Variants in DNAH11 observed in about 807,000 individuals in gnomAD.
The protein encoded by DNAH11 is axonemal beta dynein heavy chain 11.
A neutral mutation model predicts 526.0 loss-of-function variants in DNAH11; 442 were observed. The ratio of observed to expected loss-of-function variants is 0.84; its 90% CI spans 0.78 to 0.91. The LOEUF is 0.91. Among genes scored for constraint, DNAH11 ranks in the 40% least tolerant of loss-of-function variants. The pLI, the probability that DNAH11 is intolerant of heterozygous loss-of-function variation, is 0.00. For missense variants in DNAH11, 6,989 were observed against 5,448.7 expected (o/e 1.28, Z -8.90); for synonymous variants, 2,461 against 1,935.9 (o/e 1.27, Z -7.12).
At chr7:21,764,417 G>A (rs993101214) in intron 54 of DNAH11, among the ~76,000 whole-genome samples, 3 of 152,120 alleles carry the variant, frequency 2.0e-5, no homozygotes, top group Admixed American at 6.5e-5. Context: ...AGACTTAGAG[G>A]CAGCCACAAA....
intron 30 of DNAH11, among the ~76,000 whole-genome samples, chr7:21,662,586 G>C (rs1172153283): frequency 1.3e-5 from 2 of 151,988 alleles, no homozygotes; most frequent in African/African-American, 2.4e-5. Context: ...TTTAACATTT[G>C]CGTTACCTCA....
chr7:21,779,529 A>G (rs924097934), intron 57 of DNAH11, among the ~76,000 whole-genome samples: 18 of 152,278 alleles, frequency 1.2e-4, no homozygotes, highest in Middle Eastern at 3.4e-3. Flanking sequence ...TAATAATACA[A>G]CTGGAGTTTA....
chr7:21,565,608 G>T (rs1783635707), intron 6 of DNAH11, among the ~76,000 whole-genome samples: 1 of 152,076 alleles, frequency 6.6e-6, no homozygotes, highest in African/African-American at 2.4e-5. Context: ...AGTGGTGTGT[G>T]GGAAAGGCTT....
chr7:21,670,867 C>CGT (rs59872330), intron 30 of DNAH11, among the ~76,000 whole-genome samples: 6,473 of 147,204 alleles, frequency 0.044, 277 homozygotes, highest in East Asian at 0.16. Flanking sequence ...TAAGTGTGTA[C>CGT]GTGTGTGTGT....
intron 45 of DNAH11, 37 bp downstream of exon 45, chr7:21,726,021 T>G (rs1785088707): frequency 2.5e-5 from 37 of 1,471,050 alleles, no homozygotes; most frequent in Non-Finnish European, 3.2e-5. Flanking sequence ...ATTAGTCTGT[T>G]TTCATATTGC....
At chr7:21,587,151 C>T (rs892492109) in intron 9 of DNAH11, among the ~76,000 whole-genome samples, 4 of 152,172 alleles carry the variant, frequency 2.6e-5, no homozygotes, top group Non-Finnish European at 4.4e-5. Flanking sequence ...TGCTAGCACA[C>T]AGAAGAATCC....
intron 42 of DNAH11, among the ~76,000 whole-genome samples, chr7:21,714,738 C>G (rs1033655963): frequency 3.3e-5 from 5 of 152,148 alleles, no homozygotes; most frequent in Non-Finnish European, 7.4e-5. Flanking sequence ...AATCACTAAC[C>G]ATTTTACCTC....
intron 63 of DNAH11, among the ~76,000 whole-genome samples, chr7:21,810,599 A>T (rs1789473425): frequency 6.6e-6 from 1 of 152,198 alleles, no homozygotes; most frequent in Admixed American, 6.5e-5. Flanking sequence ...AGATGGTAAG[A>T]GTCGCCACAC....
intron 61 of DNAH11, among the ~76,000 whole-genome samples, chr7:21,796,982 TA>T (rs1256475080): frequency 1.6e-4 from 24 of 152,134 alleles, no homozygotes; most frequent in African/African-American, 5.3e-4. Context: ...AGTAAAATGG[TA>T]GAGAAGAACA....
chr7:21,763,521 G>T (rs929119429), intron 54 of DNAH11, among the ~76,000 whole-genome samples: 5 of 151,766 alleles, frequency 3.3e-5, no homozygotes, highest in African/African-American at 1.2e-4. Context: ...TGGTGAGGCT[G>T]TGGAGAAATT....
At chr7:21,699,711 TATTTTA>T (rs1783984495) in intron 36 of DNAH11, among the ~76,000 whole-genome samples, 1 of 151,772 alleles carries the variant, frequency 6.6e-6, no homozygotes, top group African/African-American at 2.4e-5. Context: ...TTAATGAGCC[TATTTTA>T]ATTTTATCAT....
Position 21,749,712 on chromosome 7 carries a change from C to T in DNAH11, c.8708C>T (p.Ala2903Val). 1 of 1,613,970 alleles carries T rather than the reference C, an allele frequency of 6.2e-7. No homozygotes were observed. Among genetic ancestry groups the T allele is most frequent in the Non-Finnish European group, 8.5e-7 (1 of 1,179,878 alleles). ...DLANLYIRTG[A>V]KNMPTVFLLT... ...GCCAATTTGTACATCCGAACTGGAG[C>T]CAAGAACATGCCCACTGTGTTCCTG... is the stretch of plus-strand genomic sequence containing the variant. Residue 2903 changes from alanine to valine, a missense_variant, in exon 53 of 82, where the codon GCC becomes GTC. By Grantham distance (64) the Ala-to-Val change is moderately conservative (BLOSUM62 0). Transcript: ENST00000409508.
intron 74 of DNAH11, among the ~76,000 whole-genome samples, chr7:21,878,551 T>C (rs368353407): frequency 9.2e-5 from 14 of 152,318 alleles, no homozygotes; most frequent in African/African-American, 2.9e-4. Flanking sequence ...AGCTTGCCCT[T>C]TATTTGTGGA....
At chr7:21,747,013 A>C (rs1217819649) in intron 51 of DNAH11, among the ~76,000 whole-genome samples, 2 of 152,220 alleles carry the variant, frequency 1.3e-5, no homozygotes, top group Non-Finnish European at 2.9e-5. Context: ...TTCTTTGATC[A>C]GGGATTATGA....
Position 21,704,499 on chromosome 7 carries a change from T to G in DNAH11, c.6339T>G (p.Phe2113Leu). The G allele has an allele frequency of 6.2e-7, 1 of 1,613,894 alleles. No homozygotes were observed. Among genetic ancestry groups the G allele is most frequent in the Non-Finnish European group, 8.5e-7 (1 of 1,179,846 alleles). ...TAGTGACTGACGACATCCCAGTGTT[T>G]CTGGGCCTGGTCGGTGACCTGTTTC... is the stretch of plus-strand genomic sequence containing the variant. ...PKIVTDDIPV[F>L]LGLVGDLFPA... The change falls in exon 38 of 82, where the codon TTT (phenylalanine) becomes TTG (leucine). Residue 2113 changes from phenylalanine (F) to leucine (L), a missense_variant. Coordinates refer to ENST00000409508, the MANE Select transcript of DNAH11 (RefSeq NM_001277115.2).
At chr7:21,619,290 G>A in intron 24 of DNAH11, 68 bp downstream of exon 24, 1 of 1,546,182 alleles carries the variant, frequency 6.5e-7, no homozygotes. Context: ...AGCCAACTTA[G>A]AGAAAAGTCC....
At chr7:21,742,799 G>T (rs891181839) in intron 49 of DNAH11, among the ~76,000 whole-genome samples, 1 of 152,124 alleles carries the variant, frequency 6.6e-6, no homozygotes, top group African/African-American at 2.4e-5. Flanking sequence ...TTCTCCTCAG[G>T]TCATATAATG....
Position 21,591,022 on chromosome 7 carries a change from G to C in DNAH11, c.2274G>C (p.Lys758Asn), listed in dbSNP as rs1784656073. The C allele has an allele frequency of 6.7e-7, 1 of 1,493,256 alleles. No individual in the cohort carries two copies. Among genetic ancestry groups the C allele is most frequent in the African/African-American group, 1.5e-5 (1 of 68,194 alleles). 92.5% of individuals were successfully genotyped at this position (1,493,256 alleles called of 1,614,324 possible). A position where few individuals can be genotyped will look rare whatever the true frequency, so the allele number is the denominator to read the frequency against. Residue 758 changes from lysine (K) to asparagine (N), a missense_variant and splice_region_variant, in exon 13 of 82, where the codon AAG becomes AAC. Physicochemically the swap from Lys to Asn is moderately conservative, Grantham distance 94. Transcript: ENST00000409508. ...TCAAGAAAAGGAACACTATTTTAAAGGTTTGTGATTTTTGTTAAAAAAAAG... is the reference window on the plus strand; with the variant it reads ...TCAAGAAAAGGAACACTATTTTAAACGTTTGTGATTTTTGTTAAAAAAAAG... ...AIFKKRNTIL[K>N]YIGNLDLLVQ...
intron 30 of DNAH11, among the ~76,000 whole-genome samples, chr7:21,666,445 T>A (rs572212157): frequency 6.6e-6 from 1 of 152,140 alleles, no homozygotes; most frequent in East Asian, 1.9e-4. Context: ...CTTTAAAAAA[T>A]TAATATCTGT....
Sources: allele counts gnomAD v4.1 joint callset (sites outside exome capture counted in the v4.1 genomes callset), GRCh38; gene constraint gnomAD v4.1.1; transcripts MANE v1.5; gene names NCBI Gene and HGNC (gene_info 2026-07-23, HGNC 2026-07-21).